Variants in IMMP2L observed in about 807,000 individuals in gnomAD.
The protein encoded by IMMP2L is mitochondrial inner membrane protease subunit 2.
Under a neutral mutation model 19.3 loss-of-function variants are expected in IMMP2L, and 18 were observed. That is an observed-to-expected ratio of 0.93 (90% CI 0.64 to 1.38). IMMP2L has a LOEUF of 1.38. Among genes scored for constraint, IMMP2L ranks in the 40% most tolerant of loss-of-function variants. IMMP2L has a pLI of 0.00. For synonymous variants in IMMP2L, 76 were observed against 73.0 expected (o/e 1.04, Z -0.21); for missense variants, 233 against 218.2 (o/e 1.07, Z -0.43).
intron 5 of IMMP2L, among the ~76,000 whole-genome samples, chr7:110,879,227 C>T (rs1809386994): frequency 6.6e-6 from 1 of 151,870 alleles, no homozygotes; most frequent in Non-Finnish European, 1.5e-5. Flanking sequence ...CCTGTCTCTA[C>T]TAAAAATGCA....
rs116566519 is a variant in IMMP2L, at chr7:111,031,295, G to T, written c.240-67730C>A. 7.1e-3 allele frequency among the ~76,000 whole-genome samples: 1,080 copies of T among 151,796 alleles called. 13 individuals carry two copies. The highest frequency in any genetic ancestry group is 0.025 in the African/African-American group (1,028 of 41,362). ...AATAAAAGGCATCCATGCTCCTTGA[G>T]AAAAGGGATGCTTCTAGGACAAGAA... is the stretch of plus-strand genomic sequence containing the variant. On this transcript the variant is annotated intron_variant, in intron 3 of 5. Transcript: ENST00000405709.
intron 5 of IMMP2L, among the ~76,000 whole-genome samples, chr7:110,748,554 T>C (rs1000351686): frequency 1.3e-5 from 2 of 152,104 alleles, no homozygotes; most frequent in East Asian, 1.9e-4. Context: ...AACAGATATA[T>C]AGACCAACGG....
chr7:111,178,376 C>G (rs1807312404), intron 3 of IMMP2L, among the ~76,000 whole-genome samples: 1 of 152,014 alleles, frequency 6.6e-6, no homozygotes, highest in African/African-American at 2.4e-5. Flanking sequence ...GGTCTTGCCT[C>G]TATGTTGATG....
chr7:111,361,052 T>G (rs1035408918), intron 3 of IMMP2L, among the ~76,000 whole-genome samples: 5 of 152,170 alleles, frequency 3.3e-5, no homozygotes, highest in African/African-American at 1.2e-4. Flanking sequence ...GTCCTAAATT[T>G]TTAAGAGTTT....
chr7:111,231,065 CAAAA>C (rs1813667697), intron 3 of IMMP2L, among the ~76,000 whole-genome samples: 1 of 146,484 alleles, frequency 6.8e-6, no homozygotes, highest in Non-Finnish European at 1.5e-5. Flanking sequence ...TACATATAAA[CAAAA>C]AGAAAGCTTT....
chr7:110,699,119 G>T (rs943150475), intron 5 of IMMP2L, among the ~76,000 whole-genome samples: 1 of 152,004 alleles, frequency 6.6e-6, no homozygotes, highest in African/African-American at 2.4e-5. Flanking sequence ...GAGGAAAAGT[G>T]TTATTCTTCC....
At chr7:110,932,657 G>A (rs1217065390) in intron 4 of IMMP2L, among the ~76,000 whole-genome samples, 6 of 152,120 alleles carry the variant, frequency 3.9e-5, no homozygotes. Context: ...CCCAGCTCAA[G>A]AATGCAGTTT....
intron 5 of IMMP2L, among the ~76,000 whole-genome samples, chr7:110,849,105 T>C (rs1805950512): frequency 6.6e-6 from 1 of 152,110 alleles, no homozygotes; most frequent in Non-Finnish European, 1.5e-5. Flanking sequence ...TGCTCATCAT[T>C]GTAACAAATG....
intron 3 of IMMP2L, among the ~76,000 whole-genome samples, chr7:111,100,754 T>C (rs1028490701): frequency 6.6e-6 from 1 of 151,426 alleles, no homozygotes; most frequent in African/African-American, 2.4e-5. Flanking sequence ...AATATCATGG[T>C]TGAATTCCAG....
At chr7:111,135,552 T>G (rs214858) in intron 3 of IMMP2L, among the ~76,000 whole-genome samples, 14,131 of 152,112 alleles carry the variant, frequency 0.093, 1,517 homozygotes, top group African/African-American at 0.26. Context: ...CTTCAGAAAA[T>G]AATTTTAATA....
chr7:111,109,839 TAA>T (rs544671424), intron 3 of IMMP2L, among the ~76,000 whole-genome samples: 13 of 152,136 alleles, frequency 8.5e-5, no homozygotes, highest in Non-Finnish European at 1.8e-4. Flanking sequence ...AAAGGGCCCT[TAA>T]AAAGTCTTCA....
intron 3 of IMMP2L, among the ~76,000 whole-genome samples, chr7:111,297,014 G>C (rs1821706567): frequency 6.6e-6 from 1 of 151,922 alleles, no homozygotes; most frequent in Non-Finnish European, 1.5e-5. Context: ...ACAGATTAGT[G>C]GTTGCCAAGG....
chr7:111,025,195 C>A (rs143537095), intron 3 of IMMP2L, among the ~76,000 whole-genome samples: 5 of 152,134 alleles, frequency 3.3e-5, no homozygotes, highest in Non-Finnish European at 5.9e-5. Context: ...GGGGCCTATA[C>A]GCACCAGGCA....
At chr7:110,691,308 A>G (rs904740544) in intron 5 of IMMP2L, among the ~76,000 whole-genome samples, 18 of 152,178 alleles carry the variant, frequency 1.2e-4, no homozygotes, top group African/African-American at 2.4e-5. Flanking sequence ...TACCATACAC[A>G]AAAATAAACT....
At position 110,870,361 on chromosome 7, in the gene IMMP2L, GTTTA is replaced by G. The variant is rs1231919659; in HGVS notation, c.408+16228_408+16231del. On this transcript the variant is annotated intron_variant, in intron 5 of 5. Transcript: ENST00000405709. This position sits in a 1 kb window ranked among gnomAD's most constrained non-coding sequence, Gnocchi z 4.2. The stretch of plus-strand genomic sequence containing the variant: ...AAACTCACTCACAGAACAGAAATTT[GTTTA>G]TTTATTTAACAAAATGTAGTAGGTG... Among the ~76,000 whole-genome samples, 1 of 152,066 alleles carries G rather than the reference GTTTA, an allele frequency of 6.6e-6. No individual in the cohort carries two copies. The highest frequency in any genetic ancestry group is 1.5e-5 in the Non-Finnish European group (1 of 68,008).
intron 3 of IMMP2L, among the ~76,000 whole-genome samples, chr7:111,264,958 C>A (rs1817681797): frequency 6.6e-6 from 1 of 152,068 alleles, no homozygotes; most frequent in Admixed American, 6.6e-5. Context: ...TCTTTACCTG[C>A]ATCTTTGTTA....
chr7:110,895,050 A>T (rs549196977), intron 4 of IMMP2L, among the ~76,000 whole-genome samples: 3 of 152,310 alleles, frequency 2.0e-5, no homozygotes, highest in African/African-American at 4.8e-5. Context: ...TTACAAAAGG[A>T]AGAAGTTTAT....
At chr7:111,464,785 T>C (rs1840459847) in intron 3 of IMMP2L, among the ~76,000 whole-genome samples, 2 of 151,156 alleles carry the variant, frequency 1.3e-5, no homozygotes, top group African/African-American at 4.9e-5. Context: ...CCAACTCTTT[T>C]TTATTTTATT....
At chr7:110,906,745 T>A (rs1430984780) in intron 4 of IMMP2L, among the ~76,000 whole-genome samples, 1 of 152,120 alleles carries the variant, frequency 6.6e-6, no homozygotes, top group Non-Finnish European at 1.5e-5. Context: ...CAGACTTATC[T>A]GGTTATTTTT....
Sources: gnomAD v4.1 joint callset for allele counts (sites outside exome capture counted in the v4.1 genomes callset) on GRCh38, gnomAD v4.1.1 for gene constraint, Gnocchi (gnomAD v3.1) non-coding constraint, MANE v1.5 for transcripts, NCBI Gene and HGNC (gene_info 2026-07-23, HGNC 2026-07-21) for gene names.